Variants in NTM observed in about 807,000 individuals in gnomAD.
The protein encoded by NTM is neurotrimin, also known as IgLON family member 2.
NTM carries 13 observed loss-of-function variants against 42.1 expected under a neutral mutation model. The ratio of observed to expected loss-of-function variants is 0.31; its 90% confidence interval spans 0.20 to 0.49. The LOEUF (loss-of-function observed/expected upper bound fraction) is 0.49. Among genes scored for constraint, NTM ranks in the 20% least tolerant of loss-of-function variants. The pLI is 0.99. For missense variants in NTM, 373 were observed against 452.8 expected (o/e 0.82, Z 1.60); for synonymous variants, 187 against 179.2 (o/e 1.04, Z -0.35).
At chr11:131,926,756 C>T (rs1431692831) in intron 2 of NTM, among the ~76,000 whole-genome samples, 1 of 152,186 alleles carries the variant, frequency 6.6e-6, no homozygotes, top group East Asian at 1.9e-4. Flanking sequence ...TCCGTGTGGA[C>T]TTTGTGGATT....
chr11:131,743,995 A>G (rs1161408640), intron 1 of NTM, among the ~76,000 whole-genome samples: 2 of 152,216 alleles, frequency 1.3e-5, no homozygotes, highest in African/African-American at 4.8e-5. Context: ...GATGAGACCC[A>G]AATGACCATT....
chr11:131,517,580 G>C (rs933932709), intron 1 of NTM, among the ~76,000 whole-genome samples: 3 of 151,804 alleles, frequency 2.0e-5, no homozygotes, highest in African/African-American at 7.3e-5. Flanking sequence ...GATAACTCAA[G>C]CATCACTCTT....
Position 132,165,717 on chromosome 11 carries a change from C to A in NTM, c.400+19203C>A, listed in dbSNP as rs549134864. Reference sequence around the variant, plus strand: ...TTATCTACTATTGGAAGAAGCCCGACTGTGGGGCTGTTCCATCCCTAAGAG... The same window carrying A: ...TTATCTACTATTGGAAGAAGCCCGAATGTGGGGCTGTTCCATCCCTAAGAG... On this transcript the variant is annotated intron_variant, in intron 3 of 8. Coordinates refer to ENST00000683400, the MANE Select transcript of NTM (RefSeq NM_001352005.2). 4.6e-5 allele frequency among the ~76,000 whole-genome samples: 7 copies of A among 152,260 alleles called. No homozygotes were observed. In the East Asian group the frequency reaches 1.4e-3, roughly 29 times the overall value.
At chr11:132,169,878 C>G (rs1184050691) in intron 3 of NTM, among the ~76,000 whole-genome samples, 1 of 152,140 alleles carries the variant, frequency 6.6e-6, no homozygotes. Context: ...CAGTTCACCC[C>G]ATCTTTCTCC....
At chr11:131,659,916 G>A (rs1474269502) in intron 1 of NTM, among the ~76,000 whole-genome samples, 1 of 152,218 alleles carries the variant, frequency 6.6e-6, no homozygotes, top group African/African-American at 2.4e-5. Context: ...AAGGAAATGA[G>A]TTATTCAGGC....
In NTM at chr11:132,192,366, T is replaced by G. The variant is rs373361877; in HGVS notation, c.401-19656T>G. ...AGAAATTGGGAACCTATTCTGAGCA[T>G]CCTAAAAGAAAAAAATTCCAACCCA... is the stretch of plus-strand genomic sequence containing the variant. On this transcript the variant is annotated intron_variant, in intron 3 of 8. Transcript: ENST00000683400. 4.0e-4 allele frequency among the ~76,000 whole-genome samples: 61 copies of G among 152,234 alleles called. 3 individuals are homozygous for G. The highest frequency in any genetic ancestry group is 1.4e-3 in the African/African-American group (58 of 41,556).
At chr11:131,526,024 G>C (rs1284704361) in intron 1 of NTM, among the ~76,000 whole-genome samples, 1 of 152,146 alleles carries the variant, frequency 6.6e-6, no homozygotes, top group Non-Finnish European at 1.5e-5. Context: ...CATTTATCAA[G>C]CATCCATTGT....
At chr11:131,613,890 T>A (rs1268706769) in intron 1 of NTM, among the ~76,000 whole-genome samples, 2 of 152,208 alleles carry the variant, frequency 1.3e-5, no homozygotes, top group African/African-American at 4.8e-5. Context: ...AGAGGAACCC[T>A]GGTCTCTGGT....
intron 2 of NTM, among the ~76,000 whole-genome samples, chr11:131,959,765 A>G (rs2061942659): frequency 6.6e-6 from 1 of 152,242 alleles, no homozygotes; most frequent in Admixed American, 6.5e-5. Context: ...GCTACTATCA[A>G]CAGGGTTTTG....
chr11:131,438,037 A>G (rs1452219991), intron 1 of NTM, among the ~76,000 whole-genome samples: 5 of 152,264 alleles, frequency 3.3e-5, no homozygotes, highest in African/African-American at 1.2e-4. Flanking sequence ...TCCTTCACTT[A>G]TGAAGCTTAG....
intron 3 of NTM, among the ~76,000 whole-genome samples, chr11:132,186,752 A>G (rs2078461179): frequency 6.6e-6 from 1 of 152,172 alleles, no homozygotes; most frequent in South Asian, 2.1e-4. Flanking sequence ...CAGTTTTATA[A>G]ATGGAGCAAA....
intron 1 of NTM, among the ~76,000 whole-genome samples, chr11:131,606,349 C>G (rs7120508): frequency 6.6e-6 from 1 of 152,146 alleles, no homozygotes; most frequent in Non-Finnish European, 1.5e-5. Flanking sequence ...AGCCACCACA[C>G]CTGGCTGACG....
At chr11:131,500,800 G>A (rs2046717227) in intron 1 of NTM, among the ~76,000 whole-genome samples, 1 of 133,228 alleles carries the variant, frequency 7.5e-6, no homozygotes, top group Non-Finnish European at 1.5e-5. Flanking sequence ...TGTTCTCATT[G>A]TTCAATTCCC....
intron 1 of NTM, among the ~76,000 whole-genome samples, chr11:131,410,528 A>AAC (rs1432738287): frequency 6.7e-6 from 1 of 148,314 alleles, no homozygotes; most frequent in African/African-American, 2.5e-5. Context: ...AAAAAAAAAA[A>AAC]AAAAAAAAAA....
chr11:132,289,482 C>G (rs1225230044), intron 4 of NTM, among the ~76,000 whole-genome samples: 2 of 152,120 alleles, frequency 1.3e-5, no homozygotes, highest in Non-Finnish European at 2.9e-5. Context: ...GTGATTTCCC[C>G]CTGCTCTCCA....
intron 7 of NTM, among the ~76,000 whole-genome samples, chr11:132,316,480 G>T (rs975427540): frequency 2.4e-4 from 37 of 152,178 alleles, no homozygotes; most frequent in African/African-American, 8.7e-4. Context: ...TTCTAAAAAG[G>T]ACATGGAAAA....
chr11:131,720,106 C>T (rs1426353991), intron 1 of NTM, among the ~76,000 whole-genome samples: 1 of 152,180 alleles, frequency 6.6e-6, no homozygotes, highest in Non-Finnish European at 1.5e-5. Context: ...GCTACAGATA[C>T]TACTGTTTTG....
chr11:132,100,803 T>C (rs1231314611), intron 2 of NTM, among the ~76,000 whole-genome samples: 3 of 152,214 alleles, frequency 2.0e-5, no homozygotes, highest in Non-Finnish European at 4.4e-5. Flanking sequence ...TGAGGTGGGC[T>C]ATCAGCTGTG....
At chr11:131,654,093 T>C (rs1254155726) in intron 1 of NTM, among the ~76,000 whole-genome samples, 1 of 152,144 alleles carries the variant, frequency 6.6e-6, no homozygotes, top group East Asian at 1.9e-4. Context: ...CCGGTGATGG[T>C]GGGAGAAGAC....
Sources: gnomAD v4.1 joint callset for allele counts (sites outside exome capture counted in the v4.1 genomes callset) on GRCh38, gnomAD v4.1.1 for gene constraint, MANE v1.5 for transcripts, NCBI Gene and HGNC (gene_info 2026-07-23, HGNC 2026-07-21) for gene names.